The following RTBDN variants were observed in gnomAD, a reference collection of about 807,000 sequenced individuals.
RTBDN encodes the protein retbindin.
RTBDN carries 24 observed loss-of-function variants against 21.9 expected under a neutral mutation model. That is an observed-to-expected ratio of 1.10 (90% CI 0.79 to 1.54). The LOEUF (loss-of-function observed/expected upper bound fraction) is 1.54, where lower values mean the gene tolerates loss of function less well. Among genes scored for constraint, RTBDN ranks in the 40% most tolerant of loss-of-function variants. The pLI, the probability that RTBDN is intolerant of heterozygous loss-of-function variation, is 0.00. For missense variants in RTBDN, 325 were observed against 315.2 expected, an observed-to-expected ratio of 1.03 and a Z score of -0.23; for synonymous variants, 141 against 125.9, an observed-to-expected ratio of 1.12 and a Z score of -0.80.
At chr19:12,829,745 A>G in intron 2 of RTBDN, 66 bp downstream of exon 2, 1 of 1,525,574 alleles carries the variant, frequency 6.6e-7, no homozygotes, top group Non-Finnish European at 9.0e-7. Flanking sequence ...AAATTCTAAC[A>G]TTGTCATGGC....
rs1969542429 is a variant in RTBDN, at chr19:12,830,773, AT to A, written c.-18-777del. 1.4e-5 allele frequency: 8 copies of A among 573,638 alleles called. No individual in the cohort carries two copies. Among genetic ancestry groups the A allele is most frequent in the Admixed American group, 6.3e-5 (1 of 15,772 alleles). The allele number at this position is 573,638 out of a possible 1,614,324, so 35.5% of individuals were successfully genotyped here. A position where few individuals can be genotyped will look rare whatever the true frequency, so the allele number is the denominator to read the frequency against. ...GCTGGCCGACTTGGGGCTGGTGTGTATATATCCTTGTGTTTGTTTTTATGTT... is the reference window on the plus strand; with the variant it reads ...GCTGGCCGACTTGGGGCTGGTGTGTAATATCCTTGTGTTTGTTTTTATGTT... On this transcript the variant is annotated intron_variant, in intron 1 of 5. Transcript: ENST00000674343. This position sits in a 1 kb window ranked among gnomAD's most constrained non-coding sequence, Gnocchi z 4.2.
chr19:12,833,629 A>G (rs915509562), intron 1 of RTBDN, among the ~76,000 whole-genome samples: 3 of 151,840 alleles, frequency 2.0e-5, no homozygotes, highest in African/African-American at 7.3e-5. Context: ...TGAGGGTTCT[A>G]CCCCTGAGAA....
At chr19:12,832,852 C>A (rs541540478) in intron 1 of RTBDN, 26 of 152,366 alleles carry the variant, frequency 1.7e-4, no homozygotes, top group African/African-American at 6.0e-4. Context: ...CCTCCGGGAC[C>A]TTGGGGCCAG....
intron 2 of RTBDN, 139 bp downstream of exon 2, chr19:12,829,672 A>G: frequency 1.2e-6 from 1 of 801,266 alleles, no homozygotes; most frequent in Non-Finnish European, 1.9e-6. Flanking sequence ...ATTCTTATCC[A>G]CCATTCTTCA....
At chr19:12,827,922 GTC>G (rs1969379207) in intron 4 of RTBDN, among the ~76,000 whole-genome samples, 1 of 151,706 alleles carries the variant, frequency 6.6e-6, no homozygotes, top group Non-Finnish European at 1.5e-5. Flanking sequence ...GTGAAACACC[GTC>G]TCTACTAAAA....
intron 5 of RTBDN, 154 bp from the exon 6 acceptor site, chr19:12,826,087 C>A: frequency 7.1e-7 from 1 of 1,405,656 alleles, no homozygotes; most frequent in East Asian, 2.7e-5. Flanking sequence ...TGAGTGGGGG[C>A]AGGTCCTTGG....
chr19:12,832,610 T>A (rs536316108), intron 1 of RTBDN: 7 of 152,222 alleles, frequency 4.6e-5, no homozygotes, highest in African/African-American at 1.4e-4. Flanking sequence ...GCGGTCGCCA[T>A]CGTGAGATAG....
intron 2 of RTBDN, 90 bp downstream of exon 2, chr19:12,829,721 C>A (rs1057083585): frequency 1.5e-6 from 2 of 1,379,164 alleles, no homozygotes; most frequent in Non-Finnish European, 2.0e-6. Flanking sequence ...CCATGCTAGG[C>A]CCCTCTCATA....
Position 12,834,506 on chromosome 19 carries a change from T to C in RTBDN, c.-36A>G. ...CCACGCACCTGCCTGGCCATCAGGA[T>C]TCTTCCTACTGCCCTAATTGGACAG... On this transcript the variant is annotated 5_prime_UTR_variant, in exon 1 of 6. Transcript: ENST00000674343. The surrounding 1 kb of genome is among the most constrained non-coding windows in gnomAD (Gnocchi z 4.7). 1 of 1,535,486 alleles carries C rather than the reference T, an allele frequency of 6.5e-7. No homozygotes were observed. The highest frequency in any genetic ancestry group is 1.2e-5 in the South Asian group (1 of 84,052).
At position 12,825,905 on chromosome 19, in the gene RTBDN, C is replaced by T. The variant is rs781570616; in HGVS notation, c.491G>A (p.Arg164His). The change falls in exon 6 of 6, where the codon CGC becomes CAC. Residue 164 changes from arginine to histidine, a missense_variant. Transcript: ENST00000674343. The part of the protein sequence containing the change: ...QTFADGTDLC[R>H]SALGHALPVA... ...CGGTAGGGCGTGGCCCAGAGCCGAG[C>T]GACAAAGGTCCGTCCCGTCTGCGAA... 3 of 1,604,198 alleles carry T rather than the reference C, an allele frequency of 1.9e-6. No individual in the cohort carries two copies. The highest frequency in any genetic ancestry group is 3.4e-5 in the Admixed American group (2 of 58,674).
intron 1 of RTBDN, among the ~76,000 whole-genome samples, chr19:12,831,750 A>G (rs764018911): frequency 1.3e-5 from 2 of 152,140 alleles, no homozygotes; most frequent in Non-Finnish European, 2.9e-5. Flanking sequence ...AGACACAAAA[A>G]TCTCAGGTTT....
In RTBDN at chr19:12,825,997, G is replaced by A. The variant is rs554624580; in HGVS notation, c.463-64C>T. The A allele has an allele frequency of 8.8e-4, 1,299 of 1,469,546 alleles. 1 individual carries two copies. Among genetic ancestry groups the A allele is most frequent in the Admixed American group, 1.2e-3 (43 of 37,296 alleles). 91.0% of individuals were successfully genotyped at this position (1,469,546 alleles called of 1,614,324 possible). On this transcript the variant is annotated intron_variant, in intron 5 of 5. Transcript: ENST00000674343. The stretch of plus-strand genomic sequence containing the variant: ...CCAGAGACGTGGGGGGCGTGGCCTC[G>A]GGAAGGGAAAAATGTGTAAATTCCT...
intron 1 of RTBDN, among the ~76,000 whole-genome samples, chr19:12,833,353 A>T (rs756368529): frequency 1.3e-5 from 2 of 151,768 alleles, no homozygotes; most frequent in Non-Finnish European, 2.9e-5. Context: ...GGTATCCTTT[A>T]CACGGGAATT....
upstream of RTBDN, chr19:12,834,777 G>A: frequency 1.2e-6 from 2 of 1,613,938 alleles, no homozygotes; most frequent in Non-Finnish European, 1.7e-6. This position sits in a 1 kb window ranked among gnomAD's most constrained non-coding sequence, Gnocchi z 4.7. Flanking sequence ...GGTGTCAGGA[G>A]CTCCTACCTC....
chr19:12,826,323 G>C (rs1969295388), intron 5 of RTBDN: 2 of 1,223,728 alleles, frequency 1.6e-6, no homozygotes, highest in South Asian at 3.1e-5. Flanking sequence ...CCCAGTAGGA[G>C]GTTGGGCTAG....
At chr19:12,834,953 G>A, upstream of RTBDN, 1 of 1,538,194 alleles carries the variant, frequency 6.5e-7, no homozygotes, top group Non-Finnish European at 9.0e-7. This position sits in a 1 kb window ranked among gnomAD's most constrained non-coding sequence, Gnocchi z 4.7. Context: ...CTGGGGTCTG[G>A]CCCTTCTGAG....
intron 1 of RTBDN, chr19:12,833,896 T>TC: frequency 6.2e-6 from 1 of 161,170 alleles, no homozygotes; most frequent in Non-Finnish European, 1.3e-5. Flanking sequence ...TCTCACTCCC[T>TC]CCCTCCTCCC....
In RTBDN at chr19:12,834,559, T is replaced by G. The variant is rs74733925; in HGVS notation, c.-89A>C. On this transcript the variant is annotated 5_prime_UTR_variant, in exon 1 of 6. The change abolishes an upstream ATG in the 5' untranslated region. Coordinates refer to ENST00000674343, the MANE Select transcript of RTBDN (RefSeq NM_001270441.2). This position sits in a 1 kb window ranked among gnomAD's most constrained non-coding sequence, Gnocchi z 4.7. ...ACCTAGACAGCTTTCTCACTCTTCATTCCACCTCCTCCACTACAACATCCG... is the reference window on the plus strand; with the variant it reads ...ACCTAGACAGCTTTCTCACTCTTCAGTCCACCTCCTCCACTACAACATCCG... 5 of 1,530,088 alleles carry G rather than the reference T, an allele frequency of 3.3e-6. No individual in the cohort carries two copies. Among genetic ancestry groups the G allele is most frequent in the Non-Finnish European group, 4.4e-6 (5 of 1,142,108 alleles). 94.8% of individuals were successfully genotyped at this position (1,530,088 alleles called of 1,614,324 possible).
intron 2 of RTBDN, among the ~76,000 whole-genome samples, 161 bp downstream of exon 2, chr19:12,829,650 C>T (rs1969478280): frequency 1.3e-5 from 2 of 152,250 alleles, no homozygotes; most frequent in South Asian, 2.1e-4. Context: ...GGATTTGAAC[C>T]CAGGCAGTCT....
Sources: allele counts gnomAD v4.1 joint callset (sites outside exome capture counted in the v4.1 genomes callset), GRCh38; gene constraint gnomAD v4.1.1; non-coding constraint Gnocchi (gnomAD v3.1); transcripts MANE v1.5; gene names NCBI Gene and HGNC (gene_info 2026-07-23, HGNC 2026-07-21).